Variants in PKD1 observed in about 807,000 individuals in gnomAD.
The protein encoded by PKD1 is polycystin 1, transient receptor potential channel interacting.
PKD1 carries 81 observed loss-of-function variants against 361.7 expected under a neutral mutation model. The ratio of observed to expected loss-of-function variants is 0.22; its 90% CI spans 0.19 to 0.27. PKD1 has a LOEUF of 0.27. PKD1 is among the 10% of genes least tolerant of loss of function. The pLI is 1.00. For synonymous variants in PKD1, 3,615 were observed against 2,818.3 expected, an observed-to-expected ratio of 1.28 and a Z score of -8.95; for missense variants, 6,399 against 6,118.3, an observed-to-expected ratio of 1.05 and a Z score of -1.53.
rs940939547 is a variant in PKD1, at chr16:2,099,839, C to A, written c.9923+22G>T. The A allele has an allele frequency of 3.2e-6, 5 of 1,561,060 alleles. No individual in the cohort carries two copies. In the South Asian group the frequency reaches 4.7e-5, roughly 15 times the overall value. Reference sequence around the variant, plus strand: ...GGAAGGGCTGGGCAGGAAGAGGCTGCCCCGACCCCTACGGCACCCACCTGT... The same window carrying A: ...GGAAGGGCTGGGCAGGAAGAGGCTGACCCGACCCCTACGGCACCCACCTGT... On this transcript the variant is annotated intron_variant, in intron 29 of 45. Coordinates refer to ENST00000262304, the MANE Select transcript of PKD1 (RefSeq NM_001009944.3).
rs1385639153 is a variant in PKD1 at position 2,097,784 on chromosome 16, A to G, written c.10168-4T>C. On this transcript the variant is annotated splice_region_variant and splice_polypyrimidine_tract_variant and intron_variant, in intron 31 of 45. Transcript: ENST00000262304. ...TCATCTGTCCAACAAAGGCCTGCTGAGAGGTGCACAGTGTCTTGAGTCCAA... is the reference window on the plus strand; with the variant it reads ...TCATCTGTCCAACAAAGGCCTGCTGGGAGGTGCACAGTGTCTTGAGTCCAA... The G allele has an allele frequency of 1.2e-6, 2 of 1,611,472 alleles. No homozygotes were observed. Among genetic ancestry groups the G allele is most frequent in the Non-Finnish European group, 1.7e-6 (2 of 1,179,900 alleles).
Position 2,114,193 on chromosome 16 carries a change from G to A in PKD1, c.2830C>T (p.Arg944Cys), listed in dbSNP as rs774555028. 2.5e-6 allele frequency: 4 copies of A among 1,608,216 alleles called. No homozygotes were observed. Among genetic ancestry groups the A allele is most frequent in the South Asian group, 2.2e-5 (2 of 90,940 alleles). Residue 944 changes from arginine to cysteine, a missense_variant, in exon 11 of 46, where the codon CGT (arginine) becomes TGT (cysteine). Arg to Cys is a radical substitution (Grantham distance 180). Transcript: ENST00000262304. ...GLRATPSPEA[R>C]VLQGVLVRYS... ...ACCACTAGGACTCCCTGCAGTACAC[G>A]GGCCTCGGGGCTGGGCGTGGCGCGG... is the stretch of plus-strand genomic sequence containing the variant.
Position 2,118,027 on chromosome 16 carries a change from G to A in PKD1, c.965C>T (p.Ser322Leu), listed in dbSNP as rs557788793. 50 of 1,598,914 alleles carry A rather than the reference G, an allele frequency of 3.1e-5. No individual in the cohort carries two copies. The highest frequency in any genetic ancestry group is 2.3e-4 in the Middle Eastern group (1 of 4,424). ...GCGCCCAGGCAGCACATAGCGATGCGAGGCAGCCGGCCCAGCGGCATCCAC... is the reference window on the plus strand; with the variant it reads ...GCGCCCAGGCAGCACATAGCGATGCAAGGCAGCCGGCCCAGCGGCATCCAC... ...AEVDAAGPAASHRYVLPGRYH... is the reference protein window; with the variant it reads ...AEVDAAGPAALHRYVLPGRYH... Residue 322 changes from serine (S) to leucine (L), a missense_variant, in exon 5 of 46, where the codon TCG becomes TTG. Transcript: ENST00000262304. The surrounding 1 kb of genome is among the most constrained non-coding windows in gnomAD (Gnocchi z 6.0).
chr16:2,110,984 C>T lies in PKD1; in HGVS notation c.4183G>A (p.Gly1395Arg), dbSNP rs986113944. ...CATGCCACCAGCCAGGCCTCGTCCC[C>T]GAGCTGCACAAACTGCCTCTCTGGC... ...LQPERQFVQL[G>R]DEAWLVACAW... is the part of the protein sequence containing the mutation. The change falls in exon 15 of 46, where the codon GGG (glycine) becomes AGG (arginine). Residue 1395 changes from glycine (G) to arginine (R), a missense_variant. Gly to Arg is a moderately radical substitution (Grantham distance 125). Coordinates refer to ENST00000262304, the MANE Select transcript of PKD1 (RefSeq NM_001009944.3). The T allele has an allele frequency of 7.5e-6, 12 of 1,610,414 alleles. No homozygotes were observed. The East Asian group carries it at 1.8e-4, about 24-fold the overall frequency.
chr16:2,089,636 T>G lies in PKD1; in HGVS notation c.*91A>C. The G allele has an allele frequency of 6.8e-7, 1 of 1,474,776 alleles. No homozygotes were observed. Among genetic ancestry groups the G allele is most frequent in the Middle Eastern group, 2.4e-4 (1 of 4,250 alleles). 91.4% of individuals were successfully genotyped at this position (1,474,776 alleles called of 1,614,324 possible). On this transcript the variant is annotated 3_prime_UTR_variant, in exon 46 of 46. Transcript: ENST00000262304. ...CTCTGGGGAACCTACGTGCAGCCAT[T>G]CTGCCTGGCCCTCGGCCTTGACAGC...
intron 1 of PKD1, 165 bp downstream of exon 1, chr16:2,135,310 C>A (rs868325526): frequency 1.0e-6 from 1 of 985,220 alleles, no homozygotes. Flanking sequence ...GCCGTGCCAA[C>A]CGCGGCTCCA....
At position 2,091,464 on chromosome 16, in the gene PKD1, G is replaced by C; in HGVS notation, c.11671C>G (p.Arg3891Gly). 7.8e-7 allele frequency: 1 copy of C among 1,285,964 alleles called. No homozygotes were observed. The highest frequency in any genetic ancestry group is 9.8e-7 in the Non-Finnish European group (1 of 1,017,746). The allele number at this position is 1,285,964 out of a possible 1,614,324, so 79.7% of individuals were successfully genotyped here. Residue 3891 changes from arginine to glycine, a missense_variant, in exon 42 of 46, where the codon CGC (arginine) becomes GGC (glycine). Transcript: ENST00000262304. ...AGCGAGAGGCCCGCGCTGAGGCGGC[G>C]CAGCGCAAAGGGGCGGACGCTGAGG... ...AALSVRPFAL[R>G]RLSAGLSLPL...
At chr16:2,125,664 C>A (rs1460057768) in intron 1 of PKD1, among the ~76,000 whole-genome samples, 1 of 143,722 alleles carries the variant, frequency 7.0e-6, no homozygotes, top group African/African-American at 2.7e-5. Context: ...TGGAGACGAG[C>A]CCACCTGTGG....
Position 2,101,945 on chromosome 16 carries a change from C to T in PKD1, c.9397+116G>A, listed in dbSNP as rs927633977. 37 of 706,096 alleles carry T rather than the reference C, an allele frequency of 5.2e-5. 1 individual carries two copies. The African/African-American group carries it at 6.3e-4, about 12-fold the overall frequency. 43.7% of individuals were successfully genotyped at this position (706,096 alleles called of 1,614,324 possible). On this transcript the variant is annotated intron_variant, in intron 26 of 45. Coordinates refer to ENST00000262304, the MANE Select transcript of PKD1 (RefSeq NM_001009944.3). ...AGGATGAACACACGAGCCCTTCACA[C>T]AGCACTGCAAAAACTGCCTTGTTCT... is the stretch of plus-strand genomic sequence containing the variant.
intron 34 of PKD1, 78 bp downstream of exon 34, chr16:2,097,070 G>T: frequency 1.3e-6 from 1 of 759,298 alleles, no homozygotes; most frequent in Non-Finnish European, 2.1e-6. Context: ...CCTACCCCAG[G>T]CGGGAACCAC....
intron 1 of PKD1, among the ~76,000 whole-genome samples, chr16:2,128,378 A>G (rs1273326322): frequency 2.0e-5 from 3 of 150,330 alleles, no homozygotes; most frequent in East Asian, 3.9e-4. Context: ...AAGCAGCTGC[A>G]CCTGGGCGCA....
intron 6 of PKD1, among the ~76,000 whole-genome samples, 178 bp downstream of exon 6, chr16:2,117,311 A>C (rs2092654274): frequency 6.6e-6 from 1 of 152,072 alleles, no homozygotes; most frequent in South Asian, 2.1e-4. Context: ...CCCCCAGCTC[A>C]TGTCCACCTC....
chr16:2,107,972 G>A lies in PKD1; in HGVS notation c.6976C>T (p.Pro2326Ser). Reference protein sequence around the residue: ...GPRGSSTVTIPRERLAAGVEY... With the variant: ...GPRGSSTVTISRERLAAGVEY... ...ACGCCAGCCGCCAGCCGCTCCCGTG[G>A]AATGGTGACCGTGCTGCTCCCGCGG... The change falls in exon 16 of 46, where the codon CCA (proline) becomes TCA (serine). Residue 2326 changes from proline to serine, a missense_variant. Physicochemically the swap from Pro to Ser is moderately conservative, Grantham distance 74. Transcript: ENST00000262304. 1.3e-6 allele frequency: 2 copies of A among 1,548,550 alleles called. No homozygotes were observed. Among genetic ancestry groups the A allele is most frequent in the Non-Finnish European group, 1.7e-6 (2 of 1,147,224 alleles).
intron 34 of PKD1, among the ~76,000 whole-genome samples, chr16:2,096,113 A>T (rs1247284463): frequency 6.6e-6 from 1 of 152,270 alleles, no homozygotes. Flanking sequence ...CAAAAGCAGC[A>T]GTCACGCACC....
intron 1 of PKD1, among the ~76,000 whole-genome samples, chr16:2,120,782 G>A (rs1328090758): frequency 6.6e-6 from 1 of 152,210 alleles, no homozygotes; most frequent in Non-Finnish European, 1.5e-5. Flanking sequence ...ACTTTGGGAG[G>A]CCAAGGTGGG....
At chr16:2,116,769 C>G (rs1163467452) in intron 7 of PKD1, 64 bp downstream of exon 7, 22 of 1,115,376 alleles carry the variant, frequency 2.0e-5, no homozygotes, top group Non-Finnish European at 2.5e-5. Context: ...GGCTCCACCG[C>G]GGGCGCTCGG....
chr16:2,118,908 A>ACTGGCAACC lies in PKD1; in HGVS notation c.360-72_360-64dup. 1.2e-6 allele frequency: 1 copy of ACTGGCAACC among 826,738 alleles called. No homozygotes were observed. Among genetic ancestry groups the ACTGGCAACC allele is most frequent in the Non-Finnish European group, 1.9e-6 (1 of 522,686 alleles). The allele number at this position is 826,738 out of a possible 1,614,324, so 51.2% of individuals were successfully genotyped here. A position where few individuals can be genotyped will look rare whatever the true frequency, so the allele number is the denominator to read the frequency against. On this transcript the variant is annotated intron_variant, in intron 3 of 45. Transcript: ENST00000262304. This position sits in a 1 kb window ranked among gnomAD's most constrained non-coding sequence, Gnocchi z 6.0. Reference sequence around the variant, plus strand: ...TGGGAAGGGTCTATGCCAGCCCCCCACTGGCAACCAGGCCCTGGAGCCACC... The same window carrying ACTGGCAACC: ...TGGGAAGGGTCTATGCCAGCCCCCCACTGGCAACCCTGGCAACCAGGCCCTGGAGCCACC...
chr16:2,106,364 TC>T lies in PKD1; in HGVS notation c.7489+33del. On this transcript the variant is annotated intron_variant, in intron 18 of 45. Transcript: ENST00000262304. This position sits in a 1 kb window ranked among gnomAD's most constrained non-coding sequence, Gnocchi z 6.5. ...TCCGTGACGTCACAGAGTCGGGGGATCCCGCTGCTCCCCCCACGCAGGCCTG... is the reference window on the plus strand; with the variant it reads ...TCCGTGACGTCACAGAGTCGGGGGATCCGCTGCTCCCCCCACGCAGGCCTG... 1.9e-6 allele frequency: 3 copies of T among 1,596,048 alleles called. No homozygotes were observed. Among genetic ancestry groups the T allele is most frequent in the Admixed American group, 3.5e-5 (2 of 57,958 alleles).
In PKD1 at chr16:2,100,060, G is replaced by T; in HGVS notation, c.9724C>A (p.Leu3242Ile). ...ACCAGCAGGCGCCGGAAGCGCAAAAGGGCTGCGTCGCCTAGAAGGCAGGGA... is the reference window on the plus strand; with the variant it reads ...ACCAGCAGGCGCCGGAAGCGCAAAATGGCTGCGTCGCCTAGAAGGCAGGGA... ...KEVLAASDAA[L>I]LRFRRLLVAE... Residue 3242 changes from leucine to isoleucine, a missense_variant, in exon 29 of 46, where the codon CTT (leucine) becomes ATT (isoleucine). Physicochemically the swap from Leu to Ile is conservative, Grantham distance 5 (BLOSUM62 2). Coordinates refer to ENST00000262304, the MANE Select transcript of PKD1 (RefSeq NM_001009944.3). The surrounding 1 kb of genome is among the most constrained non-coding windows in gnomAD (Gnocchi z 4.4). 2 of 1,597,770 alleles carry T rather than the reference G, an allele frequency of 1.3e-6. No homozygotes were observed. Among genetic ancestry groups the T allele is most frequent in the East Asian group, 2.3e-5 (1 of 44,108 alleles).
Sources: gnomAD v4.1 joint callset for allele counts (sites outside exome capture counted in the v4.1 genomes callset) on GRCh38, gnomAD v4.1.1 for gene constraint, Gnocchi (gnomAD v3.1) non-coding constraint, MANE v1.5 for transcripts, NCBI Gene and HGNC (gene_info 2026-07-23, HGNC 2026-07-21) for gene names.